PLCXD1: variants seen among roughly 807,000 people sequenced by gnomAD.
PLCXD1 encodes the protein phosphatidylinositol specific phospholipase C X domain containing 1.
A neutral mutation model predicts 37.8 loss-of-function variants in PLCXD1; 45 were observed. The observed-to-expected ratio is 1.19, with a 90% CI of 0.94 to 1.53. The LOEUF (loss-of-function observed/expected upper bound fraction) is 1.53, where lower values mean the gene tolerates loss of function less well. PLCXD1 is among the 40% of genes most tolerant of loss of function. PLCXD1 has a pLI of 0.00. For missense variants in PLCXD1, 539 were observed against 454.7 expected (o/e 1.19, Z -1.69); for synonymous variants, 246 against 206.9 (o/e 1.19, Z -1.62).
At chrX:292,618 T>A (rs1419180311) in intron 5 of PLCXD1, among the ~76,000 whole-genome samples, 1 of 150,844 alleles carries the variant, frequency 6.6e-6, no homozygotes. Context: ...ATACTTAATT[T>A]ATTTATTTAT....
At chrX:295,565 C>G (rs944114347) in intron 6 of PLCXD1, among the ~76,000 whole-genome samples, 12 of 151,374 alleles carry the variant, frequency 7.9e-5, no homozygotes, top group African/African-American at 2.9e-4. Flanking sequence ...ACTCTTGTTG[C>G]CCCGGTCGGA....
At position 300,646 on chromosome X, in the gene PLCXD1, A is replaced by G. The variant is rs181204206; in HGVS notation, c.*1311A>G. ...TGTATGTATACATGTATATGTGTGT[A>G]TGCGTGTATATACACACGTATACAT... On this transcript the variant is annotated 3_prime_UTR_variant, in exon 7 of 7. Coordinates refer to ENST00000381657, the MANE Select transcript of PLCXD1 (RefSeq NM_018390.4). The G allele has an allele frequency of 2.2e-3, 334 of 151,954 alleles. 4 individuals carry two copies. Among genetic ancestry groups the G allele is most frequent in the Non-Finnish European group, 3.0e-3 (204 of 67,990 alleles). 9.4% of individuals were successfully genotyped at this position (151,954 alleles called of 1,614,324 possible).
intron 2 of PLCXD1, among the ~76,000 whole-genome samples, chrX:287,752 C>T (rs1229712082): frequency 6.9e-6 from 1 of 145,644 alleles, no homozygotes; most frequent in Non-Finnish European, 1.5e-5. Flanking sequence ...ATATATATAT[C>T]TTAAATATAG....
In PLCXD1 at chrX:291,748, C is replaced by A. The variant is rs2069643815; in HGVS notation, c.549+94C>A. 3.7e-6 allele frequency: 5 copies of A among 1,351,600 alleles called. No individual in the cohort carries two copies. The Admixed American group carries it at 6.8e-5, about 18-fold the overall frequency. The allele number at this position is 1,351,600 out of a possible 1,614,324, so 83.7% of individuals were successfully genotyped here. ...GCTGTGCCCTGGGTGTGGGTGCTGC[C>A]ATGATTCCTGTAGCAGGTGAAGCCG... On this transcript the variant is annotated intron_variant, in intron 5 of 6. Transcript: ENST00000381657.
chrX:293,372 C>G (rs767131594), intron 6 of PLCXD1, among the ~76,000 whole-genome samples, 154 bp downstream of exon 6: 14 of 152,328 alleles, frequency 9.2e-5, no homozygotes, highest in African/African-American at 3.4e-4. Flanking sequence ...ACCTGTAATC[C>G]CAGCACTTCG....
In PLCXD1 at chrX:299,208, C is replaced by T. The variant is rs1406651091; in HGVS notation, c.845C>T (p.Ala282Val). The T allele has an allele frequency of 8.7e-6, 14 of 1,613,908 alleles. No homozygotes were observed. The highest frequency in any genetic ancestry group is 1.1e-5 in the Non-Finnish European group (13 of 1,179,824). ...CTGCCCAACCTTCCGCGGCTGAGCG[C>T]GTGGGTCCGAGAGCAGTGCCCGGGG... ...MTLPNLPRLS[A>V]WVREQCPGPG... Residue 282 changes from alanine (A) to valine (V), a missense_variant, in exon 7 of 7, where the codon GCG becomes GTG. Transcript: ENST00000381657.
chrX:293,731 A>G (rs2069713021), intron 6 of PLCXD1, among the ~76,000 whole-genome samples: 1 of 152,228 alleles, frequency 6.6e-6, no homozygotes, highest in South Asian at 2.1e-4. Context: ...TGCAGCGGGC[A>G]CAAACCTTAA....
chrX:296,287 A>AT (rs2069805225), intron 6 of PLCXD1, among the ~76,000 whole-genome samples: 1 of 151,666 alleles, frequency 6.6e-6, no homozygotes, highest in South Asian at 2.1e-4. Flanking sequence ...TGCTGAGCTA[A>AT]TTTTTGGATG....
chrX:294,565 G>A (rs1486694357), intron 6 of PLCXD1, among the ~76,000 whole-genome samples: 3 of 151,968 alleles, frequency 2.0e-5, no homozygotes, highest in Non-Finnish European at 4.4e-5. Flanking sequence ...AGGAGGCGGA[G>A]GTTGCTGTGA....
rs764882721 is a variant in PLCXD1 at position 288,860 on chromosome X, C to T, written c.255C>T (p.Ser85=). The change falls in exon 3 of 7, where the codon TCC becomes TCT. Residue 85 remains serine, a synonymous_variant. Transcript: ENST00000381657. ...CITRPVVLKW[S]VTQALDVTEQ... ...CGCGCCCTGTCGTGCTGAAATGGTC[C>T]GTCACCCAGGTACGGTCTGTGCCCC... 23 of 1,612,594 alleles carry T rather than the reference C, an allele frequency of 1.4e-5. No homozygotes were observed. Among genetic ancestry groups the T allele is most frequent in the Middle Eastern group, 2.0e-4 (1 of 5,006 alleles).
intron 1 of PLCXD1, chrX:283,215 G>C (rs2124312056): frequency 6.7e-6 from 1 of 149,080 alleles, no homozygotes; most frequent in Non-Finnish European, 1.5e-5. Flanking sequence ...AGCCGAGATC[G>C]CGCCATTTCA....
At chrX:303,356 A>AT (rs1491325742), downstream of PLCXD1, 1 of 152,196 alleles carries the variant, frequency 6.6e-6, no homozygotes, top group Non-Finnish European at 1.5e-5. Context: ...TTAAAGTCAA[A>AT]TATGAGTATG....
At chrX:276,821 G>A (rs1416159325), upstream of PLCXD1, among the ~76,000 whole-genome samples, 1 of 152,134 alleles carries the variant, frequency 6.6e-6, no homozygotes, top group Non-Finnish European at 1.5e-5. Flanking sequence ...GCTGGGATCT[G>A]AGCACCCCTG....
Position 299,190 on chromosome X carries a change from A to C in PLCXD1, c.827A>C (p.Asn276Thr). 6.2e-7 allele frequency: 1 copy of C among 1,613,834 alleles called. No individual in the cohort carries two copies. The highest frequency in any genetic ancestry group is 1.1e-5 in the South Asian group (1 of 91,074). The part of the protein sequence containing the change: ...SESLEKMTLP[N>T]LPRLSAWVRE... ...TCCCTGGAGAAGATGACGCTGCCCA[A>C]CCTTCCGCGGCTGAGCGCGTGGGTC... Residue 276 changes from asparagine (N) to threonine (T), a missense_variant, in exon 7 of 7, where the codon AAC (asparagine) becomes ACC (threonine). Physicochemically the swap from Asn to Thr is moderately conservative, Grantham distance 65 (BLOSUM62 0). Coordinates refer to ENST00000381657, the MANE Select transcript of PLCXD1 (RefSeq NM_018390.4).
At chrX:289,520 T>TTC (rs1270318309) in intron 3 of PLCXD1, among the ~76,000 whole-genome samples, 1 of 147,968 alleles carries the variant, frequency 6.8e-6, no homozygotes, top group African/African-American at 2.5e-5. Flanking sequence ...CTTTTTCTTT[T>TTC]TTTTTTTTTT....
At chrX:278,014 G>A (rs1320892593), upstream of PLCXD1, among the ~76,000 whole-genome samples, 7 of 88,408 alleles carry the variant, frequency 7.9e-5, no homozygotes, top group African/African-American at 3.5e-4. Context: ...GAGGGGAGGG[G>A]TCAGGGGGAA....
intron 6 of PLCXD1, among the ~76,000 whole-genome samples, chrX:295,000 C>G (rs1225935703): frequency 6.6e-6 from 1 of 151,768 alleles, no homozygotes; most frequent in African/African-American, 2.4e-5. Flanking sequence ...AACCCCATCT[C>G]TAGTAAAAAT....
chrX:283,863 C>CCTCT (rs915381473), intron 1 of PLCXD1: 2 of 200,296 alleles, frequency 1.0e-5, no homozygotes, highest in Non-Finnish European at 2.0e-5. Flanking sequence ...GACCCCTTTT[C>CCTCT]CTCTCTCTCT....
exon 1 of PLCXD1, chrX:281,370 CTCCCTCCCTCCT>C (rs1340963421): frequency 1.0e-5 from 1 of 98,874 alleles, no homozygotes; most frequent in African/African-American, 3.2e-5. Flanking sequence ...CCCTCCCTCC[CTCCCTCCCTCCT>C]TCCGGGCAGC....
Sources: allele counts gnomAD v4.1 joint callset (sites outside exome capture counted in the v4.1 genomes callset), GRCh38; gene constraint gnomAD v4.1.1; transcripts MANE v1.5; gene names NCBI Gene and HGNC (gene_info 2026-07-23, HGNC 2026-07-21).